ULK4: variants seen among roughly 807,000 people sequenced by gnomAD.
The protein encoded by ULK4 is unc-51 like kinase 4, also known as inactive serine/threonine-protein kinase ULK4.
In ULK4, 133 loss-of-function variants were observed where a neutral mutation model predicts 160.6. The ratio of observed to expected loss-of-function variants is 0.83; its 90% confidence interval spans 0.72 to 0.96. The LOEUF (loss-of-function observed/expected upper bound fraction) is 0.96, where lower values mean the gene tolerates loss of function less well. ULK4 is among the 40% of genes least tolerant of loss of function. The pLI, the probability that ULK4 is intolerant of heterozygous loss-of-function variation, is 0.00. For missense variants in ULK4, 1,580 were observed against 1,499.5 expected, an observed-to-expected ratio of 1.05 and a Z score of -0.89; for synonymous variants, 534 against 539.8, an observed-to-expected ratio of 0.99 and a Z score of 0.15.
intron 22 of ULK4, among the ~76,000 whole-genome samples, chr3:41,733,840 T>C (rs2125869097): frequency 6.8e-6 from 1 of 147,144 alleles, no homozygotes; most frequent in Admixed American, 6.8e-5. Flanking sequence ...GTTCAAGCAA[T>C]TCCCCTGCCT....
chr3:41,699,353 C>T (rs1228025808), intron 27 of ULK4, among the ~76,000 whole-genome samples: 2 of 152,050 alleles, frequency 1.3e-5, no homozygotes, highest in East Asian at 1.9e-4. Context: ...ATAGGTTTTT[C>T]GTTAAAATGT....
At chr3:41,681,932 T>C in intron 27 of ULK4, 128 bp from the exon 28 acceptor site, 1 of 926,930 alleles carries the variant, frequency 1.1e-6, no homozygotes, top group Non-Finnish European at 1.7e-6. Flanking sequence ...GCTAAGTTTA[T>C]CCTGGATTTA....
chr3:41,819,501 T>A lies in ULK4; in HGVS notation c.1770A>T (p.Glu590Asp), dbSNP rs1171036518. ...ELIYLVATQEEKKKNPRECWA... is the reference protein window; with the variant it reads ...ELIYLVATQEDKKKNPRECWA... ...AGCACTCTCTAGGGTTCTTTTTTTT[T>A]TCTTCCTAAAATGAAGTGGGAAAAA... The change falls in exon 19 of 37, where the codon GAA becomes GAT. Residue 590 changes from glutamate (E) to aspartate (D), a missense_variant. Coordinates refer to ENST00000301831, the MANE Select transcript of ULK4 (RefSeq NM_017886.4). 2 of 1,599,906 alleles carry A rather than the reference T, an allele frequency of 1.3e-6. No individual in the cohort carries two copies. The highest frequency in any genetic ancestry group is 1.5e-5 in the African/African-American group (1 of 66,220).
intron 32 of ULK4, among the ~76,000 whole-genome samples, chr3:41,466,584 G>A (rs1274690686): frequency 6.6e-6 from 1 of 152,104 alleles, no homozygotes; most frequent in African/African-American, 2.4e-5. Context: ...TGTAAGAGAA[G>A]ATTTTGCAAC....
At chr3:41,375,559 G>A (rs1254008627) in intron 35 of ULK4, among the ~76,000 whole-genome samples, 4 of 149,852 alleles carry the variant, frequency 2.7e-5, no homozygotes. Context: ...AATGGTGCTG[G>A]GAAACCTGGC....
chr3:41,810,163 G>A (rs1052561294), intron 19 of ULK4, among the ~76,000 whole-genome samples: 1 of 152,154 alleles, frequency 6.6e-6, no homozygotes. Context: ...TATTGGGAAA[G>A]AGAAATGGCT....
intron 35 of ULK4, among the ~76,000 whole-genome samples, chr3:41,292,769 C>A (rs1038300986): frequency 4.6e-5 from 7 of 151,962 alleles, no homozygotes; most frequent in Admixed American, 2.6e-4. Flanking sequence ...GATGGTGAAA[C>A]CCCGTCTCTA....
At chr3:41,289,875 G>A (rs1559506857) in intron 35 of ULK4, among the ~76,000 whole-genome samples, 3 of 151,376 alleles carry the variant, frequency 2.0e-5, no homozygotes, top group Admixed American at 6.6e-5. Flanking sequence ...ATGTATGTAT[G>A]TGTGTGTGTG....
chr3:41,574,159 A>G (rs1356857446), intron 31 of ULK4, among the ~76,000 whole-genome samples: 1 of 152,192 alleles, frequency 6.6e-6, no homozygotes, highest in African/African-American at 2.4e-5. Flanking sequence ...AGCCTGGGCA[A>G]CAAGAGCGAA....
intron 12 of ULK4, among the ~76,000 whole-genome samples, chr3:41,906,675 C>T (rs1698574180): frequency 1.3e-5 from 2 of 151,956 alleles, no homozygotes; most frequent in South Asian, 4.1e-4. Flanking sequence ...CTGATACATG[C>T]TACAACTTGG....
At chr3:41,771,941 C>CGG (rs1465985198) in intron 21 of ULK4, among the ~76,000 whole-genome samples, 1 of 152,178 alleles carries the variant, frequency 6.6e-6, no homozygotes, top group African/African-American at 2.4e-5. Flanking sequence ...AGAGACACAA[C>CGG]GGAAGCCTCT....
chr3:41,953,278 A>G (rs1023114115), intron 2 of ULK4, among the ~76,000 whole-genome samples: 2 of 16,798 alleles, frequency 1.2e-4, no homozygotes, highest in African/African-American at 1.3e-4. Context: ...ATATATACAT[A>G]TATACACATA....
chr3:41,597,243 A>C (rs908692693), intron 31 of ULK4, among the ~76,000 whole-genome samples: 10 of 152,196 alleles, frequency 6.6e-5, no homozygotes, highest in Non-Finnish European at 4.4e-5. Flanking sequence ...GCTAACTCTT[A>C]CTTGCTCTCT....
chr3:41,250,150 A>T (rs1006619790), intron 35 of ULK4, among the ~76,000 whole-genome samples: 8 of 151,966 alleles, frequency 5.3e-5, no homozygotes, highest in Admixed American at 1.3e-4. Flanking sequence ...AGAATCATAC[A>T]CTCTCAGGGC....
At chr3:41,471,844 C>T (rs2083999554) in intron 32 of ULK4, among the ~76,000 whole-genome samples, 1 of 150,436 alleles carries the variant, frequency 6.6e-6, no homozygotes, top group Admixed American at 6.6e-5. Context: ...TTACAGGATA[C>T]AGCAAAAGCA....
chr3:41,585,843 A>G (rs2030755599), intron 31 of ULK4, among the ~76,000 whole-genome samples: 1 of 152,200 alleles, frequency 6.6e-6, no homozygotes, highest in Non-Finnish European at 1.5e-5. Flanking sequence ...TTAAAAATAG[A>G]CAAGGACTTG....
chr3:41,439,751 C>G (rs1478379192), intron 34 of ULK4, among the ~76,000 whole-genome samples: 4 of 152,106 alleles, frequency 2.6e-5, no homozygotes, highest in African/African-American at 2.4e-5. Flanking sequence ...GTTGATCAAT[C>G]TCTACAAAAA....
chr3:41,497,779 G>A (rs1352176679), intron 32 of ULK4, among the ~76,000 whole-genome samples: 1 of 152,150 alleles, frequency 6.6e-6, no homozygotes, highest in African/African-American at 2.4e-5. Context: ...CTACTCACGA[G>A]GTTGAGGTGG....
intron 8 of ULK4, 49 bp downstream of exon 8, chr3:41,915,928 T>G: frequency 1.5e-6 from 2 of 1,328,306 alleles, no homozygotes; most frequent in Non-Finnish European, 2.1e-6. Context: ...CTTACTCCAT[T>G]TGCAGAACTC....
Sources: gnomAD v4.1 joint callset for allele counts (sites outside exome capture counted in the v4.1 genomes callset) on GRCh38, gnomAD v4.1.1 for gene constraint, MANE v1.5 for transcripts, NCBI Gene and HGNC (gene_info 2026-07-23, HGNC 2026-07-21) for gene names.